Variants in CBX5 observed in about 807,000 individuals in gnomAD.
CBX5 encodes the protein chromobox 5.
A neutral mutation model predicts 20.7 loss-of-function variants in CBX5; 7 were observed. That is an observed-to-expected ratio of 0.34 (90% CI 0.19 to 0.63). The LOEUF is 0.63. Ranked by LOEUF, CBX5 falls within the 30% of genes least tolerant of loss-of-function variation. CBX5 has a pLI of 0.75. For missense variants in CBX5, 110 were observed against 224.1 expected, an observed-to-expected ratio of 0.49 and a Z score of 3.25; for synonymous variants, 78 against 77.0, an observed-to-expected ratio of 1.01 and a Z score of -0.07.
rs1943873741 is a variant in CBX5 at position 54,257,589 on chromosome 12, A to G, written c.62T>C (p.Val21Ala). The G allele has an allele frequency of 6.2e-7, 1 of 1,614,018 alleles. No homozygotes were observed. The highest frequency in any genetic ancestry group is 8.5e-7 in the Non-Finnish European group (1 of 1,180,012). The change falls in exon 2 of 5, where the codon GTT (valine) becomes GCT (alanine). Residue 21 changes from valine (V) to alanine (A), a missense_variant. Val to Ala is a moderately conservative substitution (Grantham distance 64, BLOSUM62 0). Around this residue, in one of 3 missense-constraint regions of CBX5, gnomAD observed 58 missense variants for 120.6 expected, o/e 0.48. Coordinates refer to ENST00000209875, the MANE Select transcript of CBX5 (RefSeq NM_012117.3). Reference sequence around the variant, plus strand: ...GCGCCTGTCTAGCACCTTCTCCACAACATACTCCTCCTCATCCTCTGAAGA... The same window carrying G: ...GCGCCTGTCTAGCACCTTCTCCACAGCATACTCCTCCTCATCCTCTGAAGA... ...SSSSEDEEEY[V>A]VEKVLDRRVV...
intron 4 of CBX5, among the ~76,000 whole-genome samples, chr12:54,244,536 G>C (rs555146887): frequency 6.6e-6 from 1 of 151,694 alleles, no homozygotes; most frequent in African/African-American, 2.4e-5. Context: ...TCAGGAGTTC[G>C]AGACCAGCCT....
chr12:54,271,354 C>A (rs1944007847), intron 1 of CBX5, among the ~76,000 whole-genome samples: 1 of 152,162 alleles, frequency 6.6e-6, no homozygotes, highest in Admixed American at 6.5e-5. Context: ...GAGACGGAGT[C>A]TTGCTCTGTC....
intron 1 of CBX5, among the ~76,000 whole-genome samples, chr12:54,264,010 T>C (rs1311250527): frequency 2.0e-5 from 3 of 152,098 alleles, no homozygotes; most frequent in Non-Finnish European, 4.4e-5. Flanking sequence ...ACCACTGCAC[T>C]CCAGCCTGGG....
At chr12:54,246,534 C>G (rs1943737437) in intron 3 of CBX5, among the ~76,000 whole-genome samples, 1 of 152,126 alleles carries the variant, frequency 6.6e-6, no homozygotes, top group South Asian at 2.1e-4. Context: ...GTAATCTCAG[C>G]ACTTTGGGAG....
intron 1 of CBX5, among the ~76,000 whole-genome samples, chr12:54,279,494 C>T (rs1009280585): frequency 6.6e-6 from 1 of 152,166 alleles, no homozygotes. Flanking sequence ...CACCGACTCC[C>T]CTTCCTCACA....
Position 54,253,124 on chromosome 12 carries a change from C to G in CBX5, c.138-897G>C, listed in dbSNP as rs147518019. ...GGATCATAGTGGTGGTTGCATAGCT[C>G]TATAAATTTATTCCAAATCATTTAA... On this transcript the variant is annotated intron_variant, in intron 2 of 4. Coordinates refer to ENST00000209875, the MANE Select transcript of CBX5 (RefSeq NM_012117.3). Among the ~76,000 whole-genome samples the G allele has an allele frequency of 2.6e-5, 4 of 151,826 alleles. No homozygotes were observed. The East Asian group carries it at 7.8e-4, about 30-fold the overall frequency.
At chr12:54,268,069 G>A (rs556599463) in intron 1 of CBX5, among the ~76,000 whole-genome samples, 16 of 152,182 alleles carry the variant, frequency 1.1e-4, no homozygotes, top group Non-Finnish European at 2.2e-4. Flanking sequence ...GCTTGAACCC[G>A]GGAGACGGAG....
intron 1 of CBX5, chr12:54,259,736 G>GCC (rs1253671383): frequency 6.5e-6 from 1 of 152,744 alleles, no homozygotes; most frequent in African/African-American, 2.4e-5. Flanking sequence ...TGAAGACTGG[G>GCC]TGGAGAAATT....
intron 1 of CBX5, chr12:54,278,840 C>CA (rs1944096867): frequency 6.6e-6 from 1 of 151,730 alleles, no homozygotes; most frequent in Non-Finnish European, 1.5e-5. Flanking sequence ...AAAGGAACAG[C>CA]AAAAAGAGGG....
rs1449527480 is a variant in CBX5, at chr12:54,241,093, G to A, written c.*662C>T. Reference sequence around the variant, plus strand: ...ATACCGAAAGTCCTGGGGCTAAAAAGAGTGTCTTGACAGATTTCAGTGTAA... The same window carrying A: ...ATACCGAAAGTCCTGGGGCTAAAAAAAGTGTCTTGACAGATTTCAGTGTAA... On this transcript the variant is annotated 3_prime_UTR_variant, in exon 5 of 5. Coordinates refer to ENST00000209875, the MANE Select transcript of CBX5 (RefSeq NM_012117.3). 6.6e-6 allele frequency: 1 copy of A among 152,182 alleles called. No individual in the cohort carries two copies. Among genetic ancestry groups the A allele is most frequent in the African/African-American group, 2.4e-5 (1 of 41,442 alleles). 9.4% of individuals were successfully genotyped at this position (152,182 alleles called of 1,614,324 possible). A position where few individuals can be genotyped will look rare whatever the true frequency, so the allele number is the denominator to read the frequency against.
At chr12:54,256,023 T>C (rs2137020604) in intron 2 of CBX5, 1 of 152,370 alleles carries the variant, frequency 6.6e-6, no homozygotes, top group East Asian at 1.9e-4. Context: ...CAGTCTTTTA[T>C]GAAATCCAGG....
chr12:54,245,721 C>T lies in CBX5; in HGVS notation c.425+394G>A, dbSNP rs545309691. On this transcript the variant is annotated intron_variant, in intron 4 of 4. Coordinates refer to ENST00000209875, the MANE Select transcript of CBX5 (RefSeq NM_012117.3). Reference sequence around the variant, plus strand: ...CAGGAGTATCGCTTGAACCCGGAGGCGGAGGTTGCGGTAAGCCGAGATCGC... The same window carrying T: ...CAGGAGTATCGCTTGAACCCGGAGGTGGAGGTTGCGGTAAGCCGAGATCGC... Among the ~76,000 whole-genome samples the T allele has an allele frequency of 5.3e-5, 8 of 152,078 alleles. No homozygotes were observed. The South Asian group carries it at 8.3e-4, about 16-fold the overall frequency.
intron 1 of CBX5, chr12:54,276,930 C>T (rs1300574749): frequency 6.6e-6 from 1 of 152,160 alleles, no homozygotes; most frequent in Non-Finnish European, 1.5e-5. Context: ...GGATGTGAGG[C>T]AAAGTCTACC....
Position 54,231,843 on chromosome 12 carries a change from T to TG in CBX5, c.*9911dup, listed in dbSNP as rs888983165. The stretch of plus-strand genomic sequence containing the variant: ...ATAATTCCAATGTAGCTTTTGGGGG[T>TG]GGGGGGTGGAAATAAGGTGGTCACA... On this transcript the variant is annotated 3_prime_UTR_variant, in exon 5 of 5. Transcript: ENST00000209875. 1 of 150,742 alleles carries TG rather than the reference T, an allele frequency of 6.6e-6. No homozygotes were observed. The highest frequency in any genetic ancestry group is 1.5e-5 in the Non-Finnish European group (1 of 67,852). The allele number at this position is 150,742 out of a possible 1,614,324, so 9.3% of individuals were successfully genotyped here.
Position 54,241,833 on chromosome 12 carries a change from T to C in CBX5, c.498A>G (p.Ala166=), listed in dbSNP as rs750623292. 1.7e-5 allele frequency: 28 copies of C among 1,613,944 alleles called. No homozygotes were observed. In the Admixed American group the frequency reaches 4.3e-4, roughly 25 times the overall value. ...GCCATGTCAGTCTCTCTTCATAAAATGCTATCACAATTTGTGGACATTTCA... is the reference window on the plus strand; with the variant it reads ...GCCATGTCAGTCTCTCTTCATAAAACGCTATCACAATTTGTGGACATTTCA... ...ANVKCPQIVI[A]FYEERLTWHA... Residue 166 remains alanine, a synonymous_variant, in exon 5 of 5, where the codon GCA becomes GCG. Coordinates refer to ENST00000209875, the MANE Select transcript of CBX5 (RefSeq NM_012117.3).
chr12:54,261,061 C>G (rs1431750197), intron 1 of CBX5, among the ~76,000 whole-genome samples: 3 of 151,748 alleles, frequency 2.0e-5, no homozygotes, highest in African/African-American at 7.3e-5. Context: ...CATAGTAGCA[C>G]TTGCCTGTAA....
At chr12:54,279,884 C>G (rs576725667) in intron 1 of CBX5, 124 bp downstream of exon 1, 6 of 152,656 alleles carry the variant, frequency 3.9e-5, no homozygotes, top group African/African-American at 1.2e-4. Context: ...TATTGGTTGG[C>G]CCGACCCACC....
chr12:54,274,468 T>C (rs574141775), intron 1 of CBX5: 2 of 152,358 alleles, frequency 1.3e-5, no homozygotes, highest in Admixed American at 6.5e-5. Context: ...TGTTGTAATT[T>C]ATTACTTTTA....
At chr12:54,261,966 T>C (rs961683653) in intron 1 of CBX5, among the ~76,000 whole-genome samples, 11 of 152,288 alleles carry the variant, frequency 7.2e-5, no homozygotes, top group African/African-American at 2.6e-4. Context: ...TATGTGACCT[T>C]CCAAATTCCT....
Sources: allele counts gnomAD v4.1 joint callset (sites outside exome capture counted in the v4.1 genomes callset), GRCh38; gene constraint gnomAD v4.1.1; regional missense constraint gnomAD v4.1.1; transcripts MANE v1.5; gene names NCBI Gene and HGNC (gene_info 2026-07-23, HGNC 2026-07-21).